The following VWF variants were observed in gnomAD, a reference collection of about 807,000 sequenced individuals.
The protein encoded by VWF is Factor VIII related antigen.
VWF carries 176 observed loss-of-function variants against 308.6 expected under a neutral mutation model. The ratio of observed to expected loss-of-function variants is 0.57; its 90% CI spans 0.50 to 0.65. The LOEUF is 0.65. VWF is among the 30% of genes least tolerant of loss of function. VWF has a pLI of 0.00. For missense variants in VWF, 3,146 were observed against 3,648.2 expected (o/e 0.86, Z 3.55); for synonymous variants, 1,385 against 1,443.4 (o/e 0.96, Z 0.92).
chr12:5,989,937 C>A (rs1943719448), intron 38 of VWF, among the ~76,000 whole-genome samples: 2 of 152,200 alleles, frequency 1.3e-5, no homozygotes, highest in Non-Finnish European at 2.9e-5. Flanking sequence ...AATTGGTCCA[C>A]ATCATTCAAG....
intron 34 of VWF, among the ~76,000 whole-genome samples, chr12:6,005,345 C>T (rs1342906192): frequency 2.0e-5 from 3 of 152,156 alleles, no homozygotes; most frequent in Non-Finnish European, 4.4e-5. Flanking sequence ...TTATTCTTAT[C>T]TCACACCACT....
chr12:6,033,690 T>C (rs1393803344), intron 20 of VWF, among the ~76,000 whole-genome samples: 1 of 152,134 alleles, frequency 6.6e-6, no homozygotes, highest in African/African-American at 2.4e-5. Flanking sequence ...CCAGCCCGGG[T>C]GTGAGGTGGG....
intron 20 of VWF, among the ~76,000 whole-genome samples, chr12:6,033,812 G>C (rs1944300491): frequency 6.6e-6 from 1 of 152,210 alleles, no homozygotes; most frequent in Non-Finnish European, 1.5e-5. Flanking sequence ...CTCAGCCTCT[G>C]GGGCTGGGGC....
chr12:5,993,030 A>G (rs1943762792), intron 37 of VWF, among the ~76,000 whole-genome samples: 1 of 152,190 alleles, frequency 6.6e-6, no homozygotes, highest in Non-Finnish European at 1.5e-5. Context: ...GAGGTCCAGA[A>G]AGACTAAGAG....
At chr12:6,104,548 T>C (rs1220548307) in intron 5 of VWF, among the ~76,000 whole-genome samples, 1 of 150,950 alleles carries the variant, frequency 6.6e-6, no homozygotes, top group African/African-American at 2.4e-5. Context: ...GAAAAAAAAA[T>C]GAGCCGGACG....
At chr12:6,072,464 C>CA in intron 8 of VWF, 22 bp from the exon 9 acceptor site, 4 of 1,586,018 alleles carry the variant, frequency 2.5e-6, no homozygotes, top group Non-Finnish European at 3.5e-6. Flanking sequence ...GGCATCAAGA[C>CA]AAAGGCCTCA....
At chr12:6,069,294 A>C (rs1163256071) in intron 10 of VWF, among the ~76,000 whole-genome samples, 1 of 152,162 alleles carries the variant, frequency 6.6e-6, no homozygotes, top group African/African-American at 2.4e-5. Context: ...AAGAAACTGA[A>C]CAGGGATCTG....
chr12:6,110,428 C>T lies in VWF; in HGVS notation c.478G>A (p.Gly160Arg). ...LSDRYFNKTCGLCGNFNIFAE... is the reference protein window; with the variant it reads ...LSDRYFNKTCRLCGNFNIFAE... The stretch of plus-strand genomic sequence containing the variant: ...AAGATGTTAAAGTTGCCACACAGCC[C>T]GCAGGTCTTGTTGAAGTATCTGTCT... Residue 160 changes from glycine (G) to arginine (R), a missense_variant, in exon 5 of 52, where the codon GGG (glycine) becomes AGG (arginine). Physicochemically the swap from Gly to Arg is moderately radical, Grantham distance 125. Coordinates refer to ENST00000261405, the MANE Select transcript of VWF (RefSeq NM_000552.5). The T allele has an allele frequency of 1.2e-6, 2 of 1,614,132 alleles. No homozygotes were observed. The highest frequency in any genetic ancestry group is 1.1e-5 in the South Asian group (1 of 91,078).
intron 5 of VWF, among the ~76,000 whole-genome samples, chr12:6,104,932 T>A (rs1420294853): frequency 6.6e-6 from 1 of 152,140 alleles, no homozygotes; most frequent in Non-Finnish European, 1.5e-5. Flanking sequence ...AAGAATGAAA[T>A]CGCATCTTTT....
intron 6 of VWF, among the ~76,000 whole-genome samples, chr12:6,093,607 G>T (rs1945074128): frequency 6.6e-6 from 1 of 152,208 alleles, no homozygotes; most frequent in African/African-American, 2.4e-5. Context: ...CAGATGATGA[G>T]TCTCTGAGCA....
intron 27 of VWF, 133 bp downstream of exon 27, chr12:6,021,767 A>C (rs1944131268): frequency 1.8e-6 from 2 of 1,102,470 alleles, no homozygotes; most frequent in Non-Finnish European, 2.7e-6. Context: ...GAATTAAATA[A>C]ATAAACAAAT....
intron 4 of VWF, 67 bp from the exon 5 acceptor site, chr12:6,110,649 C>T: frequency 6.5e-7 from 1 of 1,537,202 alleles, no homozygotes; most frequent in Admixed American, 1.7e-5. Context: ...CTCCCACCTT[C>T]TAACCCCAAC....
chr12:6,056,979 C>T lies in VWF; in HGVS notation c.1823G>A (p.Cys608Tyr). The T allele has an allele frequency of 6.5e-7, 1 of 1,544,044 alleles. No homozygotes were observed. ...CGAGCAGGAGCACACGTCGTAGCGG[C>T]AGTTCCGCAGGTAGGGCAGCGGGCT... The part of the protein sequence containing the change: ...AVSPLPYLRN[C>Y]RYDVCSCSDG... The change falls in exon 15 of 52, where the codon TGC (cysteine) becomes TAC (tyrosine). Residue 608 changes from cysteine (C) to tyrosine (Y), a missense_variant. Coordinates refer to ENST00000261405, the MANE Select transcript of VWF (RefSeq NM_000552.5).
At chr12:6,098,509 T>G (rs1400006779) in intron 5 of VWF, among the ~76,000 whole-genome samples, 5 of 152,168 alleles carry the variant, frequency 3.3e-5, no homozygotes, top group Admixed American at 1.3e-4. Context: ...CCTGGCGCAG[T>G]GGTTCATGCT....
chr12:6,036,423 G>A lies in VWF; in HGVS notation c.2511C>T (p.Ala837=). The change falls in exon 19 of 52, where the codon GCC becomes GCT. Residue 837 remains alanine, a synonymous_variant. Coordinates refer to ENST00000261405, the MANE Select transcript of VWF (RefSeq NM_000552.5). ...CPCFHQGKEY[A]PGETVKIGCN... ...AGCCAATCTTCACTGTTTCTCCAGG[G>A]GCATACTCCTTGCCCTGATGGAAGC... 6.2e-7 allele frequency: 1 copy of A among 1,614,212 alleles called. No individual in the cohort carries two copies. The highest frequency in any genetic ancestry group is 8.5e-7 in the Non-Finnish European group (1 of 1,180,036).
rs1945392611 is a variant in VWF at position 6,118,381 on chromosome 12, T to A, written c.220+2793A>T. ...TCAAAATCTTCCTCTGGTCACTTTT[T>A]TTTTTTTTTTTTTTTTTTTTTTTTT... On this transcript the variant is annotated intron_variant, in intron 3 of 51. Transcript: ENST00000261405. Among the ~76,000 whole-genome samples, 6 of 113,528 alleles carry A rather than the reference T, an allele frequency of 5.3e-5. No individual in the cohort carries two copies. In the South Asian group the frequency reaches 1.5e-3, roughly 29 times the overall value. 74.5% of individuals were successfully genotyped at this position (113,528 alleles called of 152,430 possible). A position where few individuals can be genotyped will look rare whatever the true frequency, so the allele number is the denominator to read the frequency against.
rs774492504 is a variant in VWF at position 6,018,467 on chromosome 12, T to G, written c.4951A>C (p.Ile1651Leu). The part of the protein sequence containing the change: ...RIGWPNAPIL[I>L]QDFETLPREA... ...CGGGGGAGCGTCTCAAAGTCCTGGA[T>G]GAGGATAGGGGCATTGGGCCAGCCA... Residue 1651 changes from isoleucine (I) to leucine (L), a missense_variant, in exon 28 of 52, where the codon ATC (isoleucine) becomes CTC (leucine). This residue lies in a region of VWF where 853 missense variants were observed against 1,177.8 expected (regional missense o/e 0.72). Coordinates refer to ENST00000261405, the MANE Select transcript of VWF (RefSeq NM_000552.5). 1.2e-6 allele frequency: 2 copies of G among 1,613,332 alleles called. No individual in the cohort carries two copies.
At chr12:6,047,565 C>T (rs182662001) in intron 16 of VWF, among the ~76,000 whole-genome samples, 3 of 152,296 alleles carry the variant, frequency 2.0e-5, no homozygotes, top group African/African-American at 4.8e-5. Flanking sequence ...AAATTCATAT[C>T]CACTTTATCT....
At chr12:6,112,125 C>T (rs1257955519) in intron 3 of VWF, among the ~76,000 whole-genome samples, 1 of 152,120 alleles carries the variant, frequency 6.6e-6, no homozygotes. Flanking sequence ...AAACGCCTTA[C>T]ACAGCACATG....
Sources: gnomAD v4.1 joint callset for allele counts (sites outside exome capture counted in the v4.1 genomes callset) on GRCh38, gnomAD v4.1.1 for gene constraint, gnomAD v4.1.1 regional missense constraint, MANE v1.5 for transcripts, NCBI Gene and HGNC (gene_info 2026-07-23, HGNC 2026-07-21) for gene names.